Variants in LDLRAD4 observed in about 807,000 individuals in gnomAD.
LDLRAD4 encodes low density lipoprotein receptor class A domain containing 4, also known as low-density lipoprotein receptor class A domain-containing protein 4.
A neutral mutation model predicts 17.0 loss-of-function variants in LDLRAD4; 5 were observed. The ratio of observed to expected loss-of-function variants is 0.29; its 90% CI spans 0.15 to 0.62. LDLRAD4 has a LOEUF of 0.62. LDLRAD4 is among the 20% of genes least tolerant of loss of function. The pLI, the probability that LDLRAD4 is intolerant of heterozygous loss-of-function variation, is 0.84. For missense variants in LDLRAD4, 340 were observed against 424.7 expected (o/e 0.80, Z 1.75); for synonymous variants, 168 against 171.8 (o/e 0.98, Z 0.17).
At chr18:13,493,023 G>A (rs565757502) in intron 3 of LDLRAD4, among the ~76,000 whole-genome samples, 2 of 152,204 alleles carry the variant, frequency 1.3e-5, no homozygotes, top group East Asian at 3.9e-4. Context: ...GGAGGCTGAG[G>A]CAGGAGGATC....
At chr18:13,527,137 A>C (rs1458873685) in intron 3 of LDLRAD4, among the ~76,000 whole-genome samples, 1 of 152,236 alleles carries the variant, frequency 6.6e-6, no homozygotes, top group Non-Finnish European at 1.5e-5. Context: ...GACACCATTA[A>C]GTTTCGTGCT....
exon 6 of LDLRAD4, chr18:13,651,461 T>TC (rs938317455): frequency 6.6e-6 from 1 of 152,252 alleles, no homozygotes; most frequent in African/African-American, 2.4e-5. Context: ...GAAGGACCTC[T>TC]CATCCATTCC....
intron 3 of LDLRAD4, among the ~76,000 whole-genome samples, chr18:13,525,549 C>T (rs1010051221): frequency 5.3e-5 from 8 of 152,204 alleles, no homozygotes; most frequent in Non-Finnish European, 8.8e-5. Context: ...AGTTGATGGG[C>T]GTGCTTCAGG....
At chr18:13,452,475 G>C (rs2091897436) in intron 3 of LDLRAD4, among the ~76,000 whole-genome samples, 1 of 152,158 alleles carries the variant, frequency 6.6e-6, no homozygotes, top group Non-Finnish European at 1.5e-5. Context: ...TCTCTGCGAG[G>C]GTAGGATCGA....
At chr18:13,293,666 C>G (rs1199177416) in intron 1 of LDLRAD4, among the ~76,000 whole-genome samples, 2 of 152,216 alleles carry the variant, frequency 1.3e-5, no homozygotes, top group Non-Finnish European at 2.9e-5. Context: ...TTCTCTTTTA[C>G]AAAGTCTGAC....
intron 3 of LDLRAD4, chr18:13,543,260 G>A (rs995700535): frequency 7.9e-5 from 12 of 152,172 alleles, no homozygotes; most frequent in African/African-American, 2.9e-4. Context: ...AAAGGGGCTG[G>A]AACTAGAGGT....
chr18:13,428,327 G>A (rs928564936), intron 2 of LDLRAD4, among the ~76,000 whole-genome samples: 4 of 152,158 alleles, frequency 2.6e-5, no homozygotes, highest in African/African-American at 7.2e-5. Flanking sequence ...AGGGGTCTCA[G>A]GAAAGCTCTG....
rs373276279 is a variant in LDLRAD4 at position 13,621,081 on chromosome 18, G to A, written c.182-36G>A. 3.1e-6 allele frequency: 5 copies of A among 1,613,972 alleles called. No homozygotes were observed. The highest frequency in any genetic ancestry group is 1.7e-5 in the Admixed American group (1 of 60,034). ...CTGGAGAATGGGTGGGGACTGGAGG[G>A]GCCAGGTGGCTAACCACTCTCCTCT... is the stretch of plus-strand genomic sequence containing the variant. On this transcript the variant is annotated intron_variant, in intron 3 of 5. Transcript: ENST00000359446. This position sits in a 1 kb window ranked among gnomAD's most constrained non-coding sequence, Gnocchi z 5.5.
intron 1 of LDLRAD4, among the ~76,000 whole-genome samples, chr18:13,286,180 C>T (rs1020130179): frequency 1.3e-5 from 2 of 152,204 alleles, no homozygotes; most frequent in African/African-American, 4.8e-5. Flanking sequence ...TAAGTGGAAT[C>T]ATGCAGTATT....
At chr18:13,596,757 T>C (rs2095101110) in intron 3 of LDLRAD4, among the ~76,000 whole-genome samples, 1 of 152,232 alleles carries the variant, frequency 6.6e-6, no homozygotes, top group Non-Finnish European at 1.5e-5. Flanking sequence ...CCTTTTCTAG[T>C]TCTCTTCATT....
At chr18:13,305,595 G>T (rs1317752333) in intron 1 of LDLRAD4, among the ~76,000 whole-genome samples, 1 of 152,198 alleles carries the variant, frequency 6.6e-6, no homozygotes, top group East Asian at 1.9e-4. Context: ...CCCTAGTGAT[G>T]CTGGAAGTGC....
chr18:13,320,635 T>C (rs1187113074), intron 1 of LDLRAD4, among the ~76,000 whole-genome samples: 1 of 152,196 alleles, frequency 6.6e-6, no homozygotes, highest in Non-Finnish European at 1.5e-5. Flanking sequence ...AGAAGCATCT[T>C]CTGTCCTGTG....
chr18:13,238,936 C>T (rs1235177554), intron 1 of LDLRAD4, among the ~76,000 whole-genome samples: 2 of 152,046 alleles, frequency 1.3e-5, no homozygotes, highest in South Asian at 4.2e-4. Context: ...TCTGCAATCC[C>T]AGCACTTGGG....
intron 1 of LDLRAD4, among the ~76,000 whole-genome samples, chr18:13,265,799 G>A (rs1050384119): frequency 4.6e-5 from 7 of 151,994 alleles, no homozygotes; most frequent in African/African-American, 1.7e-4. Context: ...TCCTGTTGGG[G>A]TGGCCCTGGG....
intron 4 of LDLRAD4, among the ~76,000 whole-genome samples, chr18:13,643,083 C>T (rs946270348): frequency 4.6e-5 from 7 of 151,906 alleles, no homozygotes; most frequent in African/African-American, 1.7e-4. Context: ...TTACAGGCAC[C>T]CGCCACCACG....
chr18:13,572,836 T>C (rs2094712161), intron 3 of LDLRAD4, among the ~76,000 whole-genome samples: 1 of 152,220 alleles, frequency 6.6e-6, no homozygotes, highest in African/African-American at 2.4e-5. Flanking sequence ...TGCATACCCG[T>C]GGCAAGAGCT....
At chr18:13,371,909 C>A (rs1349153854) in intron 1 of LDLRAD4, among the ~76,000 whole-genome samples, 3 of 152,140 alleles carry the variant, frequency 2.0e-5, no homozygotes, top group Admixed American at 6.5e-5. Flanking sequence ...CCTTAAATAG[C>A]AAGAGTTTCT....
intron 3 of LDLRAD4, among the ~76,000 whole-genome samples, chr18:13,596,450 C>A (rs1373073030): frequency 6.6e-6 from 1 of 152,030 alleles, no homozygotes; most frequent in African/African-American, 2.4e-5. Flanking sequence ...TCCTATACTG[C>A]TTTAAGTTAT....
intron 1 of LDLRAD4, among the ~76,000 whole-genome samples, chr18:13,309,271 G>A (rs1422251690): frequency 6.6e-6 from 1 of 152,204 alleles, no homozygotes; most frequent in Admixed American, 6.5e-5. Context: ...GGTTCTTAGA[G>A]TGCCATTCTA....
Sources: allele counts gnomAD v4.1 joint callset (sites outside exome capture counted in the v4.1 genomes callset), GRCh38; gene constraint gnomAD v4.1.1; non-coding constraint Gnocchi (gnomAD v3.1); transcripts MANE v1.5; gene names NCBI Gene and HGNC (gene_info 2026-07-23, HGNC 2026-07-21).